The following CORIN variants were observed in gnomAD, a reference collection of about 807,000 sequenced individuals.
CORIN encodes the protein corin, serine peptidase, also known as atrial natriuretic peptide-converting enzyme.
A neutral mutation model predicts 125.3 loss-of-function variants in CORIN; 117 were observed. That is an observed-to-expected ratio of 0.93 (90% CI 0.80 to 1.09). The LOEUF is 1.09. CORIN is among the 50% of genes least tolerant of loss of function. The pLI is 0.00. For missense variants in CORIN, 1,253 were observed against 1,306.7 expected, an observed-to-expected ratio of 0.96 and a Z score of 0.63; for synonymous variants, 450 against 466.4, an observed-to-expected ratio of 0.96 and a Z score of 0.45.
intron 19 of CORIN, among the ~76,000 whole-genome samples, chr4:47,619,072 G>T (rs1722198218): frequency 6.6e-6 from 1 of 152,154 alleles, no homozygotes; most frequent in Admixed American, 6.5e-5. Flanking sequence ...AGCCTAGGAA[G>T]TTCATTCTTA....
At chr4:47,751,593 A>C (rs2109849197) in intron 4 of CORIN, among the ~76,000 whole-genome samples, 1 of 152,150 alleles carries the variant, frequency 6.6e-6, no homozygotes, top group Non-Finnish European at 1.5e-5. Context: ...TCTTCCTCCA[A>C]AATTAATTTC....
At chr4:47,670,581 G>C (rs748127892) in intron 10 of CORIN, among the ~76,000 whole-genome samples, 2 of 152,204 alleles carry the variant, frequency 1.3e-5, no homozygotes, top group Non-Finnish European at 2.9e-5. Flanking sequence ...ACGAGTAAGC[G>C]TAAAACTAAA....
At chr4:47,607,406 TC>T (rs1435157080) in intron 19 of CORIN, among the ~76,000 whole-genome samples, 29 of 149,380 alleles carry the variant, frequency 1.9e-4, no homozygotes, top group Admixed American at 1.8e-3. Context: ...AGACTCCATC[TC>T]AAAAAAAAAA....
chr4:47,643,887 TTTTG>T (rs1219881988), intron 14 of CORIN, among the ~76,000 whole-genome samples: 4 of 152,154 alleles, frequency 2.6e-5, no homozygotes, highest in Non-Finnish European at 5.9e-5. Context: ...TCTACAGTTT[TTTTG>T]TTTGTTTGTT....
At chr4:47,762,770 T>C (rs1729528133) in intron 4 of CORIN, among the ~76,000 whole-genome samples, 1 of 152,228 alleles carries the variant, frequency 6.6e-6, no homozygotes, top group African/African-American at 2.4e-5. Flanking sequence ...GTTCATTTGA[T>C]GAGAGGCACT....
intron 10 of CORIN, among the ~76,000 whole-genome samples, chr4:47,672,784 C>T (rs1421969026): frequency 6.6e-6 from 1 of 151,978 alleles, no homozygotes; most frequent in African/African-American, 2.4e-5. Flanking sequence ...ACTGTTCTCT[C>T]ATATGGGAAA....
chr4:47,742,204 TAGAA>T (rs1470306471), intron 5 of CORIN, among the ~76,000 whole-genome samples: 1 of 151,904 alleles, frequency 6.6e-6, no homozygotes, highest in Non-Finnish European at 1.5e-5. Context: ...AAACTACAAA[TAGAA>T]AGAGCTTCCT....
chr4:47,626,622 A>C (rs981076724), intron 16 of CORIN, 101 bp from the exon 17 acceptor site: 1 of 793,548 alleles, frequency 1.3e-6, no homozygotes, highest in Non-Finnish European at 2.2e-6. Flanking sequence ...AGAAGCACTA[A>C]ATCATGTCAA....
chr4:47,680,192 C>T lies in CORIN; in HGVS notation c.1081G>A (p.Val361Met), dbSNP rs139499566. Residue 361 changes from valine (V) to methionine (M), a missense_variant, in exon 8 of 22, where the codon GTG becomes ATG. By Grantham distance (21) the Val-to-Met change is conservative. Transcript: ENST00000273857. Reference protein sequence around the residue: ...GDGRCIAMEWVCDGDHDCVDK... With the variant: ...GDGRCIAMEWMCDGDHDCVDK... ...ACACAGTCGTGGTCACCATCACACA[C>T]CCACTCCATGGCGATGCAGCGCCCG... The T allele has an allele frequency of 3.2e-4, 516 of 1,614,032 alleles. 3 individuals carry two copies. In the African/African-American group the frequency reaches 5.4e-3, roughly 17 times the overall value.
At chr4:47,776,249 A>C (rs2109897180) in intron 3 of CORIN, among the ~76,000 whole-genome samples, 1 of 150,264 alleles carries the variant, frequency 6.7e-6, no homozygotes, top group Non-Finnish European at 1.5e-5. Flanking sequence ...TCCTGAATTC[A>C]AGCAATCCAC....
At chr4:47,744,364 A>G (rs775097439) in intron 5 of CORIN, 38 bp downstream of exon 5, 2 of 1,578,874 alleles carry the variant, frequency 1.3e-6, no homozygotes, top group African/African-American at 2.7e-5. Flanking sequence ...ATACTCAAAT[A>G]AAATCTTCTA....
intron 19 of CORIN, among the ~76,000 whole-genome samples, chr4:47,621,218 A>G (rs1344866658): frequency 6.6e-6 from 1 of 152,180 alleles, no homozygotes; most frequent in African/African-American, 2.4e-5. Flanking sequence ...GAGAAGCAAC[A>G]TTTTGTGCTT....
chr4:47,743,061 C>G (rs1189033531), intron 5 of CORIN, among the ~76,000 whole-genome samples: 5 of 152,004 alleles, frequency 3.3e-5, no homozygotes, highest in Non-Finnish European at 5.9e-5. Context: ...CTATCTTTTA[C>G]CTTTCACCAT....
At chr4:47,817,749 G>C (rs1216900842) in intron 1 of CORIN, among the ~76,000 whole-genome samples, 1 of 152,190 alleles carries the variant, frequency 6.6e-6, no homozygotes, top group Non-Finnish European at 1.5e-5. Flanking sequence ...GCCATGGAAA[G>C]AAACAGAGAA....
chr4:47,793,193 C>A (rs1731152337), intron 2 of CORIN, among the ~76,000 whole-genome samples: 1 of 152,262 alleles, frequency 6.6e-6, no homozygotes. Context: ...AGAGCACGCA[C>A]TGGTTATATT....
At chr4:47,836,368 T>G (rs1427317356) in intron 1 of CORIN, among the ~76,000 whole-genome samples, 1 of 152,228 alleles carries the variant, frequency 6.6e-6, no homozygotes, top group Non-Finnish European at 1.5e-5. Flanking sequence ...TCTCATTGTC[T>G]CAGGGTTATG....
Position 47,837,868 on chromosome 4 carries a change from A to G in CORIN, c.63+19T>C. On this transcript the variant is annotated intron_variant, in intron 1 of 21. Coordinates refer to ENST00000273857, the MANE Select transcript of CORIN (RefSeq NM_006587.4). ...CCATCACACCTGGCTGCGGTAGGAC[A>G]GCGAATCATCGATCTTACCGGCTTT... The G allele has an allele frequency of 6.2e-7, 1 of 1,609,158 alleles. No homozygotes were observed. The highest frequency in any genetic ancestry group is 1.7e-5 in the Admixed American group (1 of 60,018).
chr4:47,616,045 C>A (rs1003475694), intron 19 of CORIN, among the ~76,000 whole-genome samples: 3 of 152,096 alleles, frequency 2.0e-5, no homozygotes, highest in Non-Finnish European at 4.4e-5. Flanking sequence ...CAATTATTTG[C>A]TCAGTGGGAG....
intron 5 of CORIN, among the ~76,000 whole-genome samples, chr4:47,743,866 C>T (rs766229924): frequency 3.3e-5 from 5 of 149,658 alleles, no homozygotes; most frequent in Non-Finnish European, 5.9e-5. Flanking sequence ...GCCTGGGTGG[C>T]AGAGCAAGTC....
Sources: gnomAD v4.1 joint callset for allele counts (sites outside exome capture counted in the v4.1 genomes callset) on GRCh38, gnomAD v4.1.1 for gene constraint, MANE v1.5 for transcripts, NCBI Gene and HGNC (gene_info 2026-07-23, HGNC 2026-07-21) for gene names.